Variants in RPS6KB2 observed in about 807,000 individuals in gnomAD.
RPS6KB2 encodes ribosomal protein S6 kinase B2.
A neutral mutation model predicts 58.2 loss-of-function variants in RPS6KB2; 51 were observed. The observed-to-expected ratio is 0.88, with a 90% CI of 0.70 to 1.11. RPS6KB2 has a LOEUF of 1.11. RPS6KB2 is among the 50% of genes least tolerant of loss of function. The pLI is 0.00. For synonymous variants in RPS6KB2, 293 were observed against 258.6 expected, an observed-to-expected ratio of 1.13 and a Z score of -1.28; for missense variants, 671 against 655.8, an observed-to-expected ratio of 1.02 and a Z score of -0.25.
intron 1 of RPS6KB2, 120 bp from the exon 2 acceptor site, chr11:67,428,852 AATTCTTACCC>A (rs1295025977): frequency 9.4e-6 from 11 of 1,165,710 alleles, no homozygotes; most frequent in Non-Finnish European, 1.3e-5. Context: ...GTTTCTTCCC[AATTCTTACCC>A]ATCCCCTACT....
chr11:67,433,541 G>C, intron 10 of RPS6KB2, 94 bp downstream of exon 10: 6 of 937,266 alleles, frequency 6.4e-6, no homozygotes, highest in Non-Finnish European at 1.0e-5. Flanking sequence ...GGGCCACCCC[G>C]GCCTGTGCAG....
At chr11:67,430,066 A>T (rs1863973189) in intron 4 of RPS6KB2, 1 of 154,434 alleles carries the variant, frequency 6.5e-6, no homozygotes, top group African/African-American at 2.5e-5. Flanking sequence ...TTGGCCTCCA[A>T]CGTGCTGGGA....
chr11:67,434,397 C>T lies in RPS6KB2; in HGVS notation c.1068C>T (p.Ser356=), dbSNP rs1205229670. Residue 356 remains serine (S), a synonymous_variant, in exon 13 of 15, where the codon AGC becomes AGT. Coordinates refer to ENST00000312629, the MANE Select transcript of RPS6KB2 (RefSeq NM_003952.3). ...RPCLQSEEDV[S]QFDTRFTRQT... is the part of the protein sequence containing the mutation. ...CACAGCAGTCAGAGGAGGACGTGAG[C>T]CAGTTTGATACCCGCTTCACACGGC... 2.5e-6 allele frequency: 4 copies of T among 1,613,252 alleles called. No individual in the cohort carries two copies. The Admixed American group carries it at 6.7e-5, about 27-fold the overall frequency.
In RPS6KB2 at chr11:67,433,169, G is replaced by C; in HGVS notation, c.751G>C (p.Asp251His). 1 of 1,605,482 alleles carries C rather than the reference G, an allele frequency of 6.2e-7. No homozygotes were observed. The change falls in exon 9 of 15, where the codon GAC (aspartate) becomes CAC (histidine). Residue 251 changes from aspartate to histidine, a missense_variant. Physicochemically the swap from Asp to His is moderately conservative, Grantham distance 81. Coordinates refer to ENST00000312629, the MANE Select transcript of RPS6KB2 (RefSeq NM_003952.3). ...GCGCAGTGGCCACAACCGGGCTGTG[G>C]ACTGGTGGAGCCTGGGGGCCCTGAT... ...LVRSGHNRAVDWWSLGALMYD... is the reference protein window; with the variant it reads ...LVRSGHNRAVHWWSLGALMYD...
chr11:67,434,027 G>C lies in RPS6KB2; in HGVS notation c.939G>C (p.Gly313=), dbSNP rs1326970899. The C allele has an allele frequency of 5.0e-6, 8 of 1,614,038 alleles. No homozygotes were observed. In the South Asian group the frequency reaches 5.5e-5, roughly 11 times the overall value. ...FLKRNPSQRI[G]GGPGDAADVQ... is the part of the protein sequence containing the mutation. ...AACGGAATCCCAGCCAGCGGATTGGGGGTGGCCCAGGGGATGCTGCTGATG... is the reference window on the plus strand; with the variant it reads ...AACGGAATCCCAGCCAGCGGATTGGCGGTGGCCCAGGGGATGCTGCTGATG... The change falls in exon 11 of 15, where the codon GGG becomes GGC. Residue 313 remains glycine, a synonymous_variant. Coordinates refer to ENST00000312629, the MANE Select transcript of RPS6KB2 (RefSeq NM_003952.3).
Position 67,435,097 on chromosome 11 carries a change from C to T in RPS6KB2, c.1377C>T (p.Thr459=), listed in dbSNP as rs761194316. 1.9e-5 allele frequency: 31 copies of T among 1,608,882 alleles called. 1 individual carries two copies. Among genetic ancestry groups the T allele is most frequent in the South Asian group, 9.9e-5 (9 of 90,994 alleles). Residue 459 remains threonine, a synonymous_variant, in exon 15 of 15, where the codon ACC becomes ACT. Transcript: ENST00000312629. The part of the protein sequence containing the change: ...PLLPPPPPST[T]APLPIRPPSG... ...TGCCACCGCCGCCGCCCTCGACCAC[C>T]GCCCCTCTCCCCATCCGTCCCCCCT...
rs757262687 is a variant in RPS6KB2 at position 67,435,120 on chromosome 11, C to T, written c.1400C>T (p.Pro467Leu). ...ACCGCCCCTCTCCCCATCCGTCCCCCCTCAGGGACCAAGAAGTCCAAGAGG... is the reference window on the plus strand; with the variant it reads ...ACCGCCCCTCTCCCCATCCGTCCCCTCTCAGGGACCAAGAAGTCCAAGAGG... ...STTAPLPIRP[P>L]SGTKKSKRGR... The change falls in exon 15 of 15, where the codon CCC (proline) becomes CTC (leucine). Residue 467 changes from proline (P) to leucine (L), a missense_variant. Coordinates refer to ENST00000312629, the MANE Select transcript of RPS6KB2 (RefSeq NM_003952.3). 55 of 1,604,000 alleles carry T rather than the reference C, an allele frequency of 3.4e-5. No homozygotes were observed. Among genetic ancestry groups the T allele is most frequent in the Non-Finnish European group, 4.5e-5 (53 of 1,178,104 alleles).
At position 67,433,231 on chromosome 11, in the gene RPS6KB2, CG is replaced by C; in HGVS notation, c.798+19del. 2 of 1,606,864 alleles carry C rather than the reference CG, an allele frequency of 1.2e-6. No homozygotes were observed. The highest frequency in any genetic ancestry group is 1.7e-6 in the Non-Finnish European group (2 of 1,179,128). ...TCACTGGATCGGCAAGTCCAGCCCC[CG>C]GGGAGGAGGAGGGGCAGGGGCAGAG... On this transcript the variant is annotated intron_variant, in intron 9 of 14. Transcript: ENST00000312629.
intron 12 of RPS6KB2, 48 bp downstream of exon 12, chr11:67,434,323 G>T: frequency 6.2e-7 from 1 of 1,610,580 alleles, no homozygotes. Context: ...GTGGCAAGTG[G>T]AGAACCTGCA....
chr11:67,428,613 T>G lies in RPS6KB2; in HGVS notation c.68T>G (p.Leu23Arg). 6.2e-7 allele frequency: 1 copy of G among 1,610,196 alleles called. No individual in the cohort carries two copies. Among genetic ancestry groups the G allele is most frequent in the South Asian group, 1.1e-5 (1 of 90,924 alleles). Reference sequence around the variant, plus strand: ...AGCGAGGGCGAGGGCGAGCCAGAGCTCAGCCCCGCGGTGAGTGCCCTGCCC... The same window carrying G: ...AGCGAGGGCGAGGGCGAGCCAGAGCGCAGCCCCGCGGTGAGTGCCCTGCCC... ...EGSEGEGEPE[L>R]SPADACPLAE... The change falls in exon 1 of 15, where the codon CTC (leucine) becomes CGC (arginine). Residue 23 changes from leucine to arginine, a missense_variant. Physicochemically the swap from Leu to Arg is moderately radical, Grantham distance 102 (BLOSUM62 -2). Transcript: ENST00000312629.
chr11:67,431,029 ATTTTTTT>A (rs60580998), intron 4 of RPS6KB2: 2 of 128,648 alleles, frequency 1.6e-5, no homozygotes, highest in African/African-American at 3.1e-5. Flanking sequence ...GGTTGCCCCC[ATTTTTTT>A]TTTTTTTTTT....
chr11:67,434,893 C>G, intron 14 of RPS6KB2, 96 bp from the exon 15 acceptor site: 1 of 1,268,604 alleles, frequency 7.9e-7, no homozygotes, highest in Non-Finnish European at 1.1e-6. Flanking sequence ...GGCCTGTGTG[C>G]CTGGGCAGGT....
chr11:67,435,102 C>A lies in RPS6KB2; in HGVS notation c.1382C>A (p.Pro461His), dbSNP rs200313021. 6.2e-7 allele frequency: 1 copy of A among 1,608,404 alleles called. No individual in the cohort carries two copies. Among genetic ancestry groups the A allele is most frequent in the East Asian group, 2.2e-5 (1 of 44,788 alleles). ...CCGCCGCCGCCCTCGACCACCGCCC[C>A]TCTCCCCATCCGTCCCCCCTCAGGG... ...LPPPPPSTTA[P>H]LPIRPPSGTK... The change falls in exon 15 of 15, where the codon CCT (proline) becomes CAT (histidine). Residue 461 changes from proline to histidine, a missense_variant. By Grantham distance (77) the Pro-to-His change is moderately conservative. Coordinates refer to ENST00000312629, the MANE Select transcript of RPS6KB2 (RefSeq NM_003952.3).
Position 67,432,798 on chromosome 11 carries a change from C to A in RPS6KB2, c.577C>A (p.Arg193=), listed in dbSNP as rs373824364. The change falls in exon 7 of 15, where the codon CGG becomes AGG. Residue 193 remains arginine, a synonymous_variant. Coordinates refer to ENST00000312629, the MANE Select transcript of RPS6KB2 (RefSeq NM_003952.3). ...GHLHSQGIIY[R]DLKPENIMLS... Reference sequence around the variant, plus strand: ...TCTCCACTCCCAGGGCATCATCTACCGGGACCTCAAGCCCGAGAACATCAT... The same window carrying A: ...TCTCCACTCCCAGGGCATCATCTACAGGGACCTCAAGCCCGAGAACATCAT... 1.2e-6 allele frequency: 2 copies of A among 1,614,098 alleles called. No individual in the cohort carries two copies. Among genetic ancestry groups the A allele is most frequent in the Non-Finnish European group, 1.7e-6 (2 of 1,180,002 alleles).
intron 4 of RPS6KB2, chr11:67,431,062 C>T (rs1305917256): frequency 3.6e-5 from 5 of 137,894 alleles, no homozygotes; most frequent in South Asian, 4.2e-4. Context: ...GAGATAGTGT[C>T]TCGCTCTGTC....
Position 67,434,635 on chromosome 11 carries a change from C to T in RPS6KB2, c.1209C>T (p.Ser403=), listed in dbSNP as rs1397050009. 6.2e-7 allele frequency: 1 copy of T among 1,610,612 alleles called. No individual in the cohort carries two copies. Among genetic ancestry groups the T allele is most frequent in the Admixed American group, 1.7e-5 (1 of 59,740 alleles). The change falls in exon 14 of 15, where the codon TCC becomes TCT. Residue 403 remains serine, a synonymous_variant. Transcript: ENST00000312629. ...SVLDSIKEGF[S]FQPKLRSPRR... ...TGGACAGCATCAAGGAGGGCTTCTCCTTCCAGCCCAAGCTGCGCTCACCCA... is the reference window on the plus strand; with the variant it reads ...TGGACAGCATCAAGGAGGGCTTCTCTTTCCAGCCCAAGCTGCGCTCACCCA...
intron 11 of RPS6KB2, 45 bp downstream of exon 11, chr11:67,434,102 G>A (rs1864153360): frequency 6.2e-7 from 1 of 1,613,192 alleles, no homozygotes; most frequent in Non-Finnish European, 8.5e-7. Context: ...GTCTCCAAGG[G>A]TGCCGGGAAT....
intron 12 of RPS6KB2, 24 bp from the exon 13 acceptor site, chr11:67,434,353 C>A (rs1253238397): frequency 1.9e-6 from 3 of 1,611,116 alleles, no homozygotes; most frequent in Non-Finnish European, 2.5e-6. Flanking sequence ...CCTCTGACCC[C>A]TCCCCACTCT....
rs1002398046 is a variant in RPS6KB2 at position 67,429,463 on chromosome 11, G to C, written c.241-64G>C. On this transcript the variant is annotated intron_variant, in intron 3 of 14. Transcript: ENST00000312629. ...TCCTGATCCCAAAGCCAGAGCTTCA[G>C]GGTGGGGCTTCTTGAAGATAGGATG... 6.0e-6 allele frequency: 9 copies of C among 1,496,950 alleles called. No individual in the cohort carries two copies. The East Asian group carries it at 1.4e-4, about 23-fold the overall frequency. 92.7% of individuals were successfully genotyped at this position (1,496,950 alleles called of 1,614,324 possible). A position where few individuals can be genotyped will look rare whatever the true frequency, so the allele number is the denominator to read the frequency against.
Sources: gnomAD v4.1 joint callset for allele counts on GRCh38, gnomAD v4.1.1 for gene constraint, MANE v1.5 for transcripts, NCBI Gene and HGNC (gene_info 2026-07-23, HGNC 2026-07-21) for gene names.